CDADC1: variants seen among roughly 807,000 people sequenced by gnomAD.
CDADC1 encodes the protein dCTP deaminase.
A neutral mutation model predicts 54.9 loss-of-function variants in CDADC1; 39 were observed. The ratio of observed to expected loss-of-function variants is 0.71; its 90% CI spans 0.55 to 0.93. CDADC1 has a LOEUF of 0.93. Among genes scored for constraint, CDADC1 ranks in the 40% least tolerant of loss-of-function variants. The probability of loss-of-function intolerance (pLI) is 0.00; values close to 1 mark genes in which losing one functional copy is unlikely to be tolerated. For synonymous variants in CDADC1, 186 were observed against 204.0 expected, an observed-to-expected ratio of 0.91 and a Z score of 0.75; for missense variants, 518 against 618.8, an observed-to-expected ratio of 0.84 and a Z score of 1.73.
In CDADC1 at chr13:49,259,353, G is replaced by T; in HGVS notation, c.260G>T (p.Arg87Ile). 1 of 1,606,550 alleles carries T rather than the reference G, an allele frequency of 6.2e-7. No homozygotes were observed. Among genetic ancestry groups the T allele is most frequent in the Non-Finnish European group, 8.5e-7 (1 of 1,174,952 alleles). ...RVSTDKRQVK[R>I]TGLVVVKNMK... ...TTTTATATCTTAATGTAGGTAAAGA[G>T]AACTGGTCTTGTGGTGGTGAAAAAC... Residue 87 changes from arginine (R) to isoleucine (I), a missense_variant, in exon 4 of 10, where the codon AGA (arginine) becomes ATA (isoleucine). Arg to Ile is a moderately conservative substitution (Grantham distance 97). Transcript: ENST00000251108.
At chr13:49,282,114 G>A (rs1022647666) in intron 8 of CDADC1, among the ~76,000 whole-genome samples, 1 of 151,774 alleles carries the variant, frequency 6.6e-6, no homozygotes, top group Non-Finnish European at 1.5e-5. Flanking sequence ...CACCACGACT[G>A]GCCCGGGAAA....
chr13:49,287,753 C>G (rs1166908753), intron 9 of CDADC1, among the ~76,000 whole-genome samples: 4 of 152,134 alleles, frequency 2.6e-5, no homozygotes, highest in Non-Finnish European at 4.4e-5. Context: ...GGGTGAATTG[C>G]TTGAGCCCAG....
At chr13:49,281,318 C>T (rs888497789) in intron 8 of CDADC1, among the ~76,000 whole-genome samples, 1 of 152,204 alleles carries the variant, frequency 6.6e-6, no homozygotes, top group African/African-American at 2.4e-5. Context: ...TCTCTTCCCT[C>T]TCCTTTCTGG....
intron 2 of CDADC1, among the ~76,000 whole-genome samples, chr13:49,255,224 G>C (rs567594294): frequency 8.5e-5 from 13 of 152,270 alleles, no homozygotes; most frequent in African/African-American, 2.4e-4. Flanking sequence ...TTGCATCGCT[G>C]ACTCTCCCAC....
chr13:49,281,026 G>A (rs936203531), intron 8 of CDADC1, among the ~76,000 whole-genome samples: 12 of 151,888 alleles, frequency 7.9e-5, no homozygotes, highest in African/African-American at 2.9e-4. Flanking sequence ...TAGAGACGGG[G>A]TTTCGCCATG....
At chr13:49,248,399 C>T (rs775018120) in intron 1 of CDADC1, 5 of 406,018 alleles carry the variant, frequency 1.2e-5, no homozygotes, top group East Asian at 3.8e-5. Flanking sequence ...TTCCAAACGG[C>T]GCTTTTGCCT....
At chr13:49,271,295 G>A (rs1357630082) in intron 5 of CDADC1, among the ~76,000 whole-genome samples, 3 of 152,152 alleles carry the variant, frequency 2.0e-5, no homozygotes, top group Admixed American at 2.0e-4. Context: ...AGAGCAGGAG[G>A]AAGGCATCAA....
At chr13:49,268,581 C>A (rs2138223264) in intron 5 of CDADC1, among the ~76,000 whole-genome samples, 1 of 152,176 alleles carries the variant, frequency 6.6e-6, no homozygotes, top group African/African-American at 2.4e-5. Flanking sequence ...AGGAAGATTG[C>A]TTGAGCCCAG....
At chr13:49,257,114 G>T (rs965927809) in intron 3 of CDADC1, among the ~76,000 whole-genome samples, 10 of 152,086 alleles carry the variant, frequency 6.6e-5, no homozygotes, top group Non-Finnish European at 1.0e-4. Context: ...GCTTTTATTT[G>T]TTTTATTGAG....
At chr13:49,249,109 T>TATA in intron 2 of CDADC1, 144 bp downstream of exon 2, 2 of 605,274 alleles carry the variant, frequency 3.3e-6, no homozygotes, top group South Asian at 3.9e-5. Context: ...CATGACACTT[T>TATA]ATAATTCCCA....
intron 7 of CDADC1, among the ~76,000 whole-genome samples, chr13:49,279,750 T>C (rs1566373438): frequency 2.0e-5 from 3 of 152,144 alleles, no homozygotes; most frequent in African/African-American, 4.8e-5. Context: ...GGTGGAGGAA[T>C]TGAAGATGGC....
intron 6 of CDADC1, among the ~76,000 whole-genome samples, chr13:49,276,572 C>A (rs561533173): frequency 3.9e-5 from 6 of 152,320 alleles, no homozygotes; most frequent in African/African-American, 1.4e-4. Context: ...CATCAGTGGT[C>A]ACCATCTTGT....
At position 49,292,906 on chromosome 13, in the gene CDADC1, T is replaced by G. The variant is rs1272001627; in HGVS notation, c.*1149T>G. 1.6e-6 allele frequency: 1 copy of G among 627,314 alleles called. No individual in the cohort carries two copies. The highest frequency in any genetic ancestry group is 2.4e-6 in the Non-Finnish European group (1 of 422,828). 38.9% of individuals were successfully genotyped at this position (627,314 alleles called of 1,614,324 possible). A position where few individuals can be genotyped will look rare whatever the true frequency, so the allele number is the denominator to read the frequency against. On this transcript the variant is annotated 3_prime_UTR_variant, in exon 10 of 10. Transcript: ENST00000251108. ...ACGGCCTCACTGGGCTTCCTACCAG[T>G]TTCTCAGAATTACACGCACGACCAT...
In CDADC1 at chr13:49,248,084, G is replaced by C. The variant is rs1163804599; in HGVS notation, c.47G>C (p.Gly16Ala). Residue 16 changes from glycine to alanine, a missense_variant, in exon 1 of 10, where the codon GGG becomes GCG. Transcript: ENST00000251108. ...QMQNLESARAGRSVSTQTGSM... is the reference protein window; with the variant it reads ...QMQNLESARAARSVSTQTGSM... ...CAAAATCTGGAGAGCGCGAGGGCCG[G>C]GCGGTCAGTCAGCACCCAGACTGGC... The C allele has an allele frequency of 6.4e-7, 1 of 1,553,670 alleles. No individual in the cohort carries two copies. Among genetic ancestry groups the C allele is most frequent in the South Asian group, 1.2e-5 (1 of 84,154 alleles).
At chr13:49,255,613 C>T (rs564941991) in intron 2 of CDADC1, among the ~76,000 whole-genome samples, 1 of 152,218 alleles carries the variant, frequency 6.6e-6, no homozygotes, top group Admixed American at 6.5e-5. Context: ...AATTTCCAAT[C>T]CTTCTATGTT....
chr13:49,262,134 G>C lies in CDADC1; in HGVS notation c.430+2611G>C, dbSNP rs181292124. 1.4e-4 allele frequency among the ~76,000 whole-genome samples: 21 copies of C among 152,262 alleles called. No homozygotes were observed. In the East Asian group the frequency reaches 4.1e-3, roughly 29 times the overall value. On this transcript the variant is annotated intron_variant, in intron 4 of 9. Transcript: ENST00000251108. Reference sequence around the variant, plus strand: ...ACTCCTGATGGTCCACGAGGTCAATGTTATTTTCATAATAATACTACCTTC... The same window carrying C: ...ACTCCTGATGGTCCACGAGGTCAATCTTATTTTCATAATAATACTACCTTC...
In CDADC1 at chr13:49,248,285, A is replaced by G. The variant is rs1047202461; in HGVS notation, c.82+166A>G. ...GTCCCCTCCGCGGTCGCCAGGACCA[A>G]TCGGCTCGGTCGCACTGGCTTTTGA... On this transcript the variant is annotated intron_variant, in intron 1 of 9. Transcript: ENST00000251108. The G allele has an allele frequency of 1.1e-4, 63 of 595,918 alleles. 1 individual carries two copies. Among genetic ancestry groups the G allele is most frequent in the African/African-American group, 4.1e-4 (22 of 53,690 alleles). The allele number at this position is 595,918 out of a possible 1,614,324, so 36.9% of individuals were successfully genotyped here. A position where few individuals can be genotyped will look rare whatever the true frequency, so the allele number is the denominator to read the frequency against.
intron 6 of CDADC1, among the ~76,000 whole-genome samples, chr13:49,275,181 A>G (rs9535186): frequency 0.96 from 144,471 of 151,070 alleles, 69,364 homozygotes; most frequent in East Asian, 1. Flanking sequence ...TGCCTCCTGG[A>G]TTCAAGTGAT....
chr13:49,255,439 A>G (rs1049994661), intron 2 of CDADC1, among the ~76,000 whole-genome samples: 1 of 152,184 alleles, frequency 6.6e-6, no homozygotes, highest in African/African-American at 2.4e-5. Flanking sequence ...GCCTACCACA[A>G]TCCCGATCTA....
Sources: allele counts gnomAD v4.1 joint callset (sites outside exome capture counted in the v4.1 genomes callset), GRCh38; gene constraint gnomAD v4.1.1; transcripts MANE v1.5; gene names NCBI Gene and HGNC (gene_info 2026-07-23, HGNC 2026-07-21).